The following KATNIP variants were observed in gnomAD, a reference collection of about 807,000 sequenced individuals.
The protein encoded by KATNIP is katanin-interacting protein.
In KATNIP, 126 loss-of-function variants were observed where a neutral mutation model predicts 174.0. The ratio of observed to expected loss-of-function variants is 0.72; its 90% CI spans 0.63 to 0.84. KATNIP has a LOEUF of 0.84. Ranked by LOEUF, KATNIP falls within the 40% of genes least tolerant of loss-of-function variation. The pLI is 0.00. For missense variants in KATNIP, 1,958 were observed against 2,109.7 expected (o/e 0.93, Z 1.41); for synonymous variants, 810 against 835.7 (o/e 0.97, Z 0.53).
intron 2 of KATNIP, among the ~76,000 whole-genome samples, chr16:27,609,641 C>T (rs1158860935): frequency 1.3e-5 from 2 of 151,402 alleles, no homozygotes; most frequent in Admixed American, 6.6e-5. Context: ...CCGCCCACCT[C>T]AGCCTCCCAA....
intron 2 of KATNIP, among the ~76,000 whole-genome samples, chr16:27,613,104 C>CAAAAA (rs137920807): frequency 6.6e-6 from 1 of 151,162 alleles, no homozygotes; most frequent in African/African-American, 2.4e-5. Context: ...ACAAAAAATA[C>CAAAAA]AAAAAAAGAA....
At position 27,631,100 on chromosome 16, in the gene KATNIP, G is replaced by A; in HGVS notation, c.346G>A (p.Glu116Lys). The change falls in exon 5 of 28, where the codon GAA (glutamate) becomes AAA (lysine). Residue 116 changes from glutamate to lysine, a missense_variant. Physicochemically the swap from Glu to Lys is moderately conservative, Grantham distance 56. This residue lies in a region of KATNIP where 1,557 missense variants were observed against 1,617.8 expected (regional missense o/e 0.96). Transcript: ENST00000261588. Reference sequence around the variant, plus strand: ...AAGAACTCTGTTTCGAGAAGCTGAAGAAGCCTTAAGACGCAGTTCACGGAC... The same window carrying A: ...AAGAACTCTGTTTCGAGAAGCTGAAAAAGCCTTAAGACGCAGTTCACGGAC... ...GRRTLFREAE[E>K]ALRRSSRTAP... 6.3e-7 allele frequency: 1 copy of A among 1,577,062 alleles called. No individual in the cohort carries two copies. Among genetic ancestry groups the A allele is most frequent in the Non-Finnish European group, 8.6e-7 (1 of 1,160,134 alleles).
chr16:27,620,872 T>C (rs2076174813), intron 3 of KATNIP, among the ~76,000 whole-genome samples: 1 of 152,226 alleles, frequency 6.6e-6, no homozygotes, highest in Non-Finnish European at 1.5e-5. Flanking sequence ...GTGCCTGGCA[T>C]TGCCATTAAT....
rs368945318 is a variant in KATNIP, at chr16:27,606,178, CAT to C, written c.64-12246_64-12245del. Among the ~76,000 whole-genome samples the C allele has an allele frequency of 9.2e-5, 14 of 152,218 alleles. No homozygotes were observed. In the East Asian group the frequency reaches 1.4e-3, roughly 15 times the overall value. Reference sequence around the variant, plus strand: ...GGCTCAGATACTTTCTCATTTAACTCATGTGCACTGAGGACGGGCTCCACAGC... The same window carrying C: ...GGCTCAGATACTTTCTCATTTAACTCGTGCACTGAGGACGGGCTCCACAGC... On this transcript the variant is annotated intron_variant, in intron 2 of 27. Transcript: ENST00000261588.
intron 20 of KATNIP, among the ~76,000 whole-genome samples, 197 bp from the exon 21 acceptor site, chr16:27,769,664 G>T (rs970818623): frequency 7.9e-5 from 12 of 152,322 alleles, no homozygotes; most frequent in African/African-American, 2.9e-4. Context: ...TGTAGCAGGG[G>T]GCTCGCCTGT....
intron 2 of KATNIP, among the ~76,000 whole-genome samples, chr16:27,575,981 A>G (rs2090482677): frequency 6.6e-6 from 1 of 152,158 alleles, no homozygotes; most frequent in Non-Finnish European, 1.5e-5. Flanking sequence ...GTAGAGGAGC[A>G]GGGATGGAAG....
chr16:27,559,473 G>C (rs557050979), intron 1 of KATNIP, among the ~76,000 whole-genome samples: 4 of 152,062 alleles, frequency 2.6e-5, no homozygotes, highest in African/African-American at 7.2e-5. Context: ...GTTGAGCCCA[G>C]GAGTTTGAGA....
intron 13 of KATNIP, among the ~76,000 whole-genome samples, chr16:27,713,758 T>C (rs534842140): frequency 2.1e-5 from 3 of 142,536 alleles, no homozygotes; most frequent in East Asian, 4.1e-4. Flanking sequence ...TATATATGTG[T>C]GTGTATATGT....
intron 6 of KATNIP, among the ~76,000 whole-genome samples, chr16:27,650,390 C>T (rs1039875039): frequency 1.3e-5 from 2 of 152,138 alleles, no homozygotes; most frequent in Admixed American, 1.3e-4. Context: ...GGGTTTACTC[C>T]AAGGGCATTA....
intron 9 of KATNIP, among the ~76,000 whole-genome samples, chr16:27,698,740 A>T (rs1384358674): frequency 6.6e-6 from 1 of 152,252 alleles, no homozygotes; most frequent in Admixed American, 6.5e-5. Flanking sequence ...ATCTGCCTCC[A>T]GTCCTCATCC....
chr16:27,727,354 G>C (rs1244618241), intron 14 of KATNIP: 1 of 153,566 alleles, frequency 6.5e-6, no homozygotes, highest in African/African-American at 2.4e-5. Flanking sequence ...CACACAGCTA[G>C]TTTTTTTATT....
At chr16:27,719,919 G>T (rs963016458) in intron 13 of KATNIP, among the ~76,000 whole-genome samples, 2 of 151,994 alleles carry the variant, frequency 1.3e-5, no homozygotes, top group African/African-American at 4.8e-5. Context: ...TGATCCTCCT[G>T]CCTCAGCCTC....
At chr16:27,630,484 A>G (rs949087611) in intron 4 of KATNIP, among the ~76,000 whole-genome samples, 1 of 152,248 alleles carries the variant, frequency 6.6e-6, no homozygotes, top group Non-Finnish European at 1.5e-5. Context: ...GAGCCACTAC[A>G]GTTGAACTCA....
rs964742525 is a variant in KATNIP at position 27,696,620 on chromosome 16, A to G, written c.941-1708A>G. Among the ~76,000 whole-genome samples the G allele has an allele frequency of 2.0e-5, 3 of 152,220 alleles. 1 individual carries two copies. Among genetic ancestry groups the G allele is most frequent in the Admixed American group, 2.0e-4 (3 of 15,282 alleles). The stretch of plus-strand genomic sequence containing the variant: ...TTTCTGTTCCCATGTTAGTTTGCTC[A>G]GGATAATGGCCTTCAGTTTCATCCA... On this transcript the variant is annotated intron_variant, in intron 8 of 27. Transcript: ENST00000261588.
At chr16:27,714,190 G>A (rs553477314) in intron 13 of KATNIP, among the ~76,000 whole-genome samples, 2 of 152,070 alleles carry the variant, frequency 1.3e-5, no homozygotes, top group Admixed American at 6.5e-5. Flanking sequence ...GAGGAGGCCT[G>A]TTCCCTCCCA....
At chr16:27,748,260 A>G (rs1047270821) in intron 15 of KATNIP, among the ~76,000 whole-genome samples, 6 of 152,136 alleles carry the variant, frequency 3.9e-5, no homozygotes, top group Non-Finnish European at 8.8e-5. Flanking sequence ...CTTACCTTAT[A>G]ATATACCTGG....
In KATNIP at chr16:27,628,596, C is replaced by T; in HGVS notation, c.141-65C>T. The T allele has an allele frequency of 3.9e-6, 6 of 1,546,798 alleles. No individual in the cohort carries two copies. In the South Asian group the frequency reaches 7.1e-5, roughly 18 times the overall value. The stretch of plus-strand genomic sequence containing the variant: ...TGTGGGAACAGCAGTTCACTCCTGG[C>T]TTGGGGGTACAGCAGCCCAGACTCT... On this transcript the variant is annotated intron_variant, in intron 3 of 27. Transcript: ENST00000261588.
intron 6 of KATNIP, among the ~76,000 whole-genome samples, chr16:27,660,728 G>A (rs2077451040): frequency 6.6e-6 from 1 of 150,620 alleles, no homozygotes. Context: ...GTGCACTACA[G>A]CCTCAAACAC....
At position 27,750,122 on chromosome 16, in the gene KATNIP, G is replaced by A. The variant is rs557548894; in HGVS notation, c.3162G>A (p.Arg1054=). The part of the protein sequence containing the change: ...DMHVWLAPFT[R]GRSHSITIDF... ...ATGTCTGGCTGGCCCCCTTCACGCG[G>A]GGCAGATCCCACTCCATCACCATTG... Residue 1054 remains arginine, a synonymous_variant, in exon 16 of 28, where the codon CGG becomes CGA. Coordinates refer to ENST00000261588, the MANE Select transcript of KATNIP (RefSeq NM_015202.5). The A allele has an allele frequency of 1.1e-5, 18 of 1,614,002 alleles. No homozygotes were observed. The highest frequency in any genetic ancestry group is 1.5e-5 in the Non-Finnish European group (18 of 1,180,042).
Sources: gnomAD v4.1 joint callset for allele counts (sites outside exome capture counted in the v4.1 genomes callset) on GRCh38, gnomAD v4.1.1 for gene constraint, gnomAD v4.1.1 regional missense constraint, MANE v1.5 for transcripts, NCBI Gene and HGNC (gene_info 2026-07-23, HGNC 2026-07-21) for gene names.